Variants in WDPCP observed in about 807,000 individuals in gnomAD.
The protein encoded by WDPCP is WD repeat containing planar cell polarity effector.
Under a neutral mutation model 93.1 loss-of-function variants are expected in WDPCP, and 71 were observed. The observed-to-expected ratio is 0.76, with a 90% CI of 0.63 to 0.93. WDPCP has a LOEUF of 0.93. Among genes scored for constraint, WDPCP ranks in the 40% least tolerant of loss-of-function variants. WDPCP has a pLI of 0.00. For synonymous variants in WDPCP, 315 were observed against 315.0 expected, an observed-to-expected ratio of 1.00 and a Z score of 0.00; for missense variants, 844 against 887.4, an observed-to-expected ratio of 0.95 and a Z score of 0.62.
At chr2:63,553,471 C>A (rs2422008) in intron 1 of WDPCP, among the ~76,000 whole-genome samples, 60,872 of 151,720 alleles carry the variant, frequency 0.4, 12,581 homozygotes, top group Non-Finnish European at 0.44. Context: ...CAATTCATCT[C>A]TGTTTGGAAA....
At chr2:63,487,167 G>C (rs1350290396) in intron 3 of WDPCP, among the ~76,000 whole-genome samples, 1 of 151,950 alleles carries the variant, frequency 6.6e-6, no homozygotes, top group Non-Finnish European at 1.5e-5. Context: ...CCTCTACTGG[G>C]ACACTGATAA....
chr2:63,229,377 G>A (rs1574932657), intron 14 of WDPCP: 1 of 152,134 alleles, frequency 6.6e-6, no homozygotes, highest in Admixed American at 6.5e-5. Flanking sequence ...CTCCCATTCT[G>A]TAGGTTGCCT....
intron 14 of WDPCP, among the ~76,000 whole-genome samples, chr2:63,245,567 A>G (rs929335493): frequency 1.1e-4 from 16 of 152,138 alleles, no homozygotes; most frequent in Admixed American, 9.2e-4. Flanking sequence ...TAGAAAAACA[A>G]TGCATGCCAT....
At chr2:63,722,858 G>C (rs1350564901) in intron 2 of WDPCP, among the ~76,000 whole-genome samples, 3 of 152,100 alleles carry the variant, frequency 2.0e-5, no homozygotes. Flanking sequence ...GAAAGGTGGG[G>C]AAAAGATTGA....
intron 12 of WDPCP, among the ~76,000 whole-genome samples, chr2:63,314,394 T>A (rs1009760707): frequency 6.6e-6 from 1 of 152,114 alleles, no homozygotes; most frequent in Non-Finnish European, 1.5e-5. Flanking sequence ...GGTCTCAAAT[T>A]CATGGGCTCA....
At chr2:63,748,053 C>T (rs377501778) in intron 2 of WDPCP, among the ~76,000 whole-genome samples, 2 of 151,736 alleles carry the variant, frequency 1.3e-5, no homozygotes, top group African/African-American at 2.4e-5. Flanking sequence ...GTGTTATTTG[C>T]TAACTCTAGC....
chr2:63,471,838 T>C (rs1321887576), intron 6 of WDPCP, among the ~76,000 whole-genome samples: 2 of 152,210 alleles, frequency 1.3e-5, no homozygotes, highest in African/African-American at 4.8e-5. Flanking sequence ...CTTTAGGGCA[T>C]CACATCTTTC....
At chr2:63,666,432 T>C (rs1404068960) in intron 2 of WDPCP, among the ~76,000 whole-genome samples, 1 of 152,184 alleles carries the variant, frequency 6.6e-6, no homozygotes, top group Non-Finnish European at 1.5e-5. Flanking sequence ...AAAGCAGAGA[T>C]GTGTGACTGA....
intron 6 of WDPCP, among the ~76,000 whole-genome samples, chr2:63,478,627 C>T (rs562161989): frequency 6.6e-6 from 1 of 152,140 alleles, no homozygotes; most frequent in South Asian, 2.1e-4. Context: ...ATTCTTTGAA[C>T]TGAACCATAA....
chr2:63,525,697 C>G (rs919302236), intron 1 of WDPCP, among the ~76,000 whole-genome samples: 1 of 152,160 alleles, frequency 6.6e-6, no homozygotes, highest in Admixed American at 6.5e-5. Context: ...CATCTGGTCT[C>G]TTTCCTAGAG....
intron 17 of WDPCP, among the ~76,000 whole-genome samples, chr2:63,129,802 T>G (rs79843771): frequency 0.02 from 2,990 of 152,320 alleles, 108 homozygotes; most frequent in African/African-American, 0.069. Context: ...ATGCGTAGTA[T>G]CTGCATATAA....
At chr2:63,499,847 C>T (rs928699880) in intron 1 of WDPCP, among the ~76,000 whole-genome samples, 1 of 152,136 alleles carries the variant, frequency 6.6e-6, no homozygotes, top group African/African-American at 2.4e-5. Flanking sequence ...TAAATGGGTA[C>T]CAGTGCATTC....
At chr2:63,356,810 C>T (rs915564880) in intron 12 of WDPCP, among the ~76,000 whole-genome samples, 1 of 152,094 alleles carries the variant, frequency 6.6e-6, no homozygotes, top group Non-Finnish European at 1.5e-5. Flanking sequence ...TAAATGTCCA[C>T]ACTGAAAGGC....
chr2:63,451,892 C>T (rs937917661), intron 6 of WDPCP, among the ~76,000 whole-genome samples: 5 of 152,244 alleles, frequency 3.3e-5, no homozygotes, highest in South Asian at 2.1e-4. Flanking sequence ...CAAAAGTCAA[C>T]GCTTCATGCT....
At chr2:63,802,427 C>T (rs1459902814) in intron 2 of WDPCP, among the ~76,000 whole-genome samples, 2 of 149,840 alleles carry the variant, frequency 1.3e-5, no homozygotes, top group East Asian at 2.0e-4. Context: ...ACACCATTTA[C>T]ACTATTTTCT....
chr2:63,240,520 A>G (rs1212267206), intron 14 of WDPCP, among the ~76,000 whole-genome samples: 1 of 152,092 alleles, frequency 6.6e-6, no homozygotes, highest in Non-Finnish European at 1.5e-5. Flanking sequence ...AACTGCATAA[A>G]TCTACTTGTC....
chr2:63,397,382 A>G (rs1693817388), intron 10 of WDPCP, among the ~76,000 whole-genome samples: 1 of 152,186 alleles, frequency 6.6e-6, no homozygotes, highest in Non-Finnish European at 1.5e-5. Context: ...TCATGTCTGC[A>G]CATAATGAGT....
chr2:63,785,633 G>C (rs905942057), intron 2 of WDPCP, among the ~76,000 whole-genome samples: 11 of 151,850 alleles, frequency 7.2e-5, no homozygotes, highest in Non-Finnish European at 1.5e-4. Context: ...ATATTTTATT[G>C]TTGTTGGTTA....
At chr2:63,478,252 A>C (rs1700079114) in intron 6 of WDPCP, among the ~76,000 whole-genome samples, 1 of 152,148 alleles carries the variant, frequency 6.6e-6, no homozygotes, top group African/African-American at 2.4e-5. Flanking sequence ...AGGGACTTCA[A>C]TACTCCACTG....
Sources: allele counts gnomAD v4.1 joint callset (sites outside exome capture counted in the v4.1 genomes callset), GRCh38; gene constraint gnomAD v4.1.1; transcripts MANE v1.5; gene names NCBI Gene and HGNC (gene_info 2026-07-23, HGNC 2026-07-21).